Variants in JAZF1 observed in about 807,000 individuals in gnomAD.
JAZF1 encodes juxtaposed with another zinc finger protein 1.
A neutral mutation model predicts 26.4 loss-of-function variants in JAZF1; 8 were observed. The observed-to-expected ratio is 0.30, with a 90% confidence interval of 0.18 to 0.55. The LOEUF is 0.55. Ranked by LOEUF, JAZF1 falls within the 20% of genes least tolerant of loss-of-function variation. The pLI, the probability that JAZF1 is intolerant of heterozygous loss-of-function variation, is 0.94. For synonymous variants in JAZF1, 126 were observed against 122.3 expected, an observed-to-expected ratio of 1.03 and a Z score of -0.20; for missense variants, 199 against 322.0, an observed-to-expected ratio of 0.62 and a Z score of 2.92.
intron 2 of JAZF1, among the ~76,000 whole-genome samples, chr7:27,913,172 G>A (rs568011787): frequency 6.6e-6 from 1 of 151,404 alleles, no homozygotes; most frequent in Non-Finnish European, 1.5e-5. Context: ...GGACCAAAGG[G>A]AGGTCAATAC....
chr7:27,913,321 A>AT (rs1784392148), intron 2 of JAZF1: 1 of 422,228 alleles, frequency 2.4e-6, no homozygotes, highest in African/African-American at 2.2e-5. Flanking sequence ...CCAGATTGAG[A>AT]TTTTCTAACC....
intron 2 of JAZF1, among the ~76,000 whole-genome samples, chr7:27,979,318 T>G (rs1785533471): frequency 6.7e-6 from 1 of 150,026 alleles, no homozygotes; most frequent in South Asian, 2.1e-4. Flanking sequence ...TAAAAGCATA[T>G]TTTGCAGAAA....
At chr7:27,849,777 C>G (rs1218422906) in intron 3 of JAZF1, among the ~76,000 whole-genome samples, 1 of 53,120 alleles carries the variant, frequency 1.9e-5, no homozygotes, top group Non-Finnish European at 3.9e-5. Flanking sequence ...ACACACACCC[C>G]TACACCTCTT....
At chr7:28,034,105 TA>T (rs146269446) in intron 1 of JAZF1, among the ~76,000 whole-genome samples, 161 of 151,508 alleles carry the variant, frequency 1.1e-3, no homozygotes, top group Non-Finnish European at 1.4e-3. Flanking sequence ...AATACCTCTC[TA>T]AAAAAAAATT....
At chr7:28,027,293 T>G (rs1365053163) in intron 1 of JAZF1, among the ~76,000 whole-genome samples, 1 of 152,212 alleles carries the variant, frequency 6.6e-6, no homozygotes, top group African/African-American at 2.4e-5. Flanking sequence ...TGGTTCCTAC[T>G]GCTGGCCCTG....
intron 1 of JAZF1, among the ~76,000 whole-genome samples, chr7:28,058,185 G>C (rs1388794369): frequency 6.6e-6 from 1 of 152,236 alleles, no homozygotes; most frequent in South Asian, 2.1e-4. Flanking sequence ...TGGAGCAGAA[G>C]GACCAGTCAG....
At chr7:27,984,467 C>T (rs1277118362) in intron 2 of JAZF1, among the ~76,000 whole-genome samples, 1 of 152,120 alleles carries the variant, frequency 6.6e-6, no homozygotes, top group East Asian at 1.9e-4. Context: ...TCCTTAGAGA[C>T]CTACAAAGAG....
At chr7:28,001,276 C>T (rs559720675) in intron 1 of JAZF1, among the ~76,000 whole-genome samples, 13 of 152,062 alleles carry the variant, frequency 8.5e-5, no homozygotes, top group Non-Finnish European at 1.8e-4. Context: ...CGTTTGAACA[C>T]GGGAGATAGA....
chr7:28,095,590 C>T (rs1784371153), intron 1 of JAZF1, among the ~76,000 whole-genome samples: 1 of 152,168 alleles, frequency 6.6e-6, no homozygotes, highest in South Asian at 2.1e-4. Context: ...TGGGTGGGTA[C>T]ACAAACCCTA....
chr7:27,944,955 A>T (rs538535813), intron 2 of JAZF1, among the ~76,000 whole-genome samples: 143 of 152,134 alleles, frequency 9.4e-4, no homozygotes, highest in Non-Finnish European at 1.7e-3. Flanking sequence ...GTCATCTGCT[A>T]CGGTGTGACT....
chr7:28,078,657 A>G lies in JAZF1; in HGVS notation c.116-86676T>C, dbSNP rs117767626. 5.6e-4 allele frequency among the ~76,000 whole-genome samples: 85 copies of G among 152,284 alleles called. 1 individual carries two copies. In the East Asian group the frequency reaches 0.014, roughly 25 times the overall value. ...CTACTTGGGTTTTTTTTGTAATGCC[A>G]TTTATGAACAGTGAATCCGGACACT... On this transcript the variant is annotated intron_variant, in intron 1 of 4. Coordinates refer to ENST00000283928, the MANE Select transcript of JAZF1 (RefSeq NM_175061.4).
At chr7:28,022,674 T>C (rs1486246362) in intron 1 of JAZF1, among the ~76,000 whole-genome samples, 1 of 152,242 alleles carries the variant, frequency 6.6e-6, no homozygotes, top group Non-Finnish European at 1.5e-5. Flanking sequence ...TCTTTGCATA[T>C]ATATTTTTAA....
At chr7:27,847,054 C>G (rs1783043650) in intron 3 of JAZF1, among the ~76,000 whole-genome samples, 1 of 152,126 alleles carries the variant, frequency 6.6e-6, no homozygotes, top group African/African-American at 2.4e-5. Flanking sequence ...ACCACAACCT[C>G]CACCTCCTGG....
intron 1 of JAZF1, among the ~76,000 whole-genome samples, chr7:28,004,435 C>T (rs138925908): frequency 7.2e-5 from 11 of 152,068 alleles, no homozygotes; most frequent in African/African-American, 2.7e-4. Flanking sequence ...AAGGACCCAT[C>T]CCCAAAGATT....
intron 1 of JAZF1, among the ~76,000 whole-genome samples, chr7:28,125,508 T>C (rs1055618219): frequency 1.3e-5 from 2 of 152,226 alleles, no homozygotes; most frequent in Admixed American, 1.3e-4. Context: ...ACTTAACATG[T>C]CTGTTCAATC....
chr7:28,115,917 G>T (rs1014424378), intron 1 of JAZF1, among the ~76,000 whole-genome samples: 18 of 151,764 alleles, frequency 1.2e-4, no homozygotes, highest in South Asian at 2.1e-4. Context: ...CTTTGGTGGG[G>T]TTTTTTTTCC....
chr7:27,847,104 T>C (rs1182511552), intron 3 of JAZF1, among the ~76,000 whole-genome samples: 3 of 151,818 alleles, frequency 2.0e-5, no homozygotes, highest in Non-Finnish European at 2.9e-5. Context: ...GCTGGGATTA[T>C]AGGCATGTAC....
intron 1 of JAZF1, among the ~76,000 whole-genome samples, chr7:28,061,869 T>C (rs1783801955): frequency 6.6e-6 from 1 of 152,266 alleles, no homozygotes; most frequent in African/African-American, 2.4e-5. Flanking sequence ...ATCAATCTTA[T>C]TATCATGAAC....
intron 3 of JAZF1, among the ~76,000 whole-genome samples, chr7:27,885,822 A>C (rs1285507754): frequency 3.3e-5 from 5 of 152,216 alleles, no homozygotes; most frequent in African/African-American, 4.8e-5. Flanking sequence ...ACATTCCTGG[A>C]ATCAGCCTTC....
Sources: gnomAD v4.1 joint callset for allele counts (sites outside exome capture counted in the v4.1 genomes callset) on GRCh38, gnomAD v4.1.1 for gene constraint, MANE v1.5 for transcripts, NCBI Gene and HGNC (gene_info 2026-07-23, HGNC 2026-07-21) for gene names.